EZR: variants seen among roughly 807,000 people sequenced by gnomAD.
The protein encoded by EZR is ezrin, also known as cytovillin 2.
In EZR, 40 loss-of-function variants were observed where a neutral mutation model predicts 74.8. That is an observed-to-expected ratio of 0.53 (90% confidence interval 0.42 to 0.70). EZR has a LOEUF of 0.70. Among genes scored for constraint, EZR ranks in the 30% least tolerant of loss-of-function variants. The pLI is 0.00. For missense variants in EZR, 678 were observed against 755.8 expected, an observed-to-expected ratio of 0.90 and a Z score of 1.21; for synonymous variants, 341 against 283.3, an observed-to-expected ratio of 1.20 and a Z score of -2.05.
chr6:158,770,559 A>G (rs1791070625), intron 10 of EZR, among the ~76,000 whole-genome samples: 1 of 152,012 alleles, frequency 6.6e-6, no homozygotes, highest in African/African-American at 2.4e-5. Flanking sequence ...TTAAAATACA[A>G]AGTCTTAGAA....
In EZR at chr6:158,767,499, T is replaced by C; in HGVS notation, c.1358A>G (p.Gln453Arg). The change falls in exon 13 of 14, where the codon CAG (glutamine) becomes CGG (arginine). Residue 453 changes from glutamine (Q) to arginine (R), a missense_variant. By Grantham distance (43) the Gln-to-Arg change is conservative. Coordinates refer to ENST00000367075, the MANE Select transcript of EZR (RefSeq NM_001111077.2). ...EEWQHRAKEA[Q>R]DDLVKTKEEL... ...CTCCTTGGTCTTCACCAGGTCATCC[T>C]GGGCTTCTTTGGCCTTTGGAAAGCA... 1.3e-6 allele frequency: 2 copies of C among 1,588,902 alleles called. No individual in the cohort carries two copies. Among genetic ancestry groups the C allele is most frequent in the Non-Finnish European group, 1.7e-6 (2 of 1,166,168 alleles).
intron 2 of EZR, among the ~76,000 whole-genome samples, chr6:158,797,075 A>G (rs1777089378): frequency 6.6e-6 from 1 of 152,120 alleles, no homozygotes; most frequent in South Asian, 2.1e-4. Flanking sequence ...TAGGTATGCA[A>G]TTTTTCCTTT....
rs1026295554 is a variant in EZR at position 158,785,585 on chromosome 6, T to A, written c.193-2A>T. 6.2e-7 allele frequency: 1 copy of A among 1,613,082 alleles called. No homozygotes were observed. Among genetic ancestry groups the A allele is most frequent in the Non-Finnish European group, 8.5e-7 (1 of 1,179,184 alleles). On this transcript the variant is annotated splice_acceptor_variant, in intron 4 of 13. Coordinates refer to ENST00000367075, the MANE Select transcript of EZR (RefSeq NM_001111077.2). LOFTEE classifies it high-confidence loss of function. ...CTTCCTGACCTCCTGGGCAGACACC[T>A]GCACGAAACAAGCCACACTCTCCAC...
chr6:158,818,676 C>T (rs1777621150), intron 1 of EZR, among the ~76,000 whole-genome samples: 1 of 148,514 alleles, frequency 6.7e-6, no homozygotes, highest in Non-Finnish European at 1.5e-5. Flanking sequence ...GAAGAGGGGG[C>T]GCGGGCCCAG....
At chr6:158,803,011 T>A (rs1777221451) in intron 2 of EZR, among the ~76,000 whole-genome samples, 1 of 151,328 alleles carries the variant, frequency 6.6e-6, no homozygotes, top group Non-Finnish European at 1.5e-5. Flanking sequence ...TTTGAGTAAT[T>A]TAAATGATGA....
intron 7 of EZR, among the ~76,000 whole-genome samples, chr6:158,780,323 A>ACATTT (rs1183066291): frequency 6.6e-6 from 1 of 152,228 alleles, no homozygotes; most frequent in Non-Finnish European, 1.5e-5. Context: ...ACTTAAGATT[A>ACATTT]CATTTCATTG....
chr6:158,770,645 T>C (rs2128565855), intron 10 of EZR, 119 bp downstream of exon 10: 5 of 1,146,998 alleles, frequency 4.4e-6, no homozygotes, highest in Non-Finnish European at 6.3e-6. Context: ...CGGCTGTGAG[T>C]CTGCGCTGTG....
chr6:158,782,689 G>A (rs1791464018), intron 7 of EZR, among the ~76,000 whole-genome samples: 1 of 152,256 alleles, frequency 6.6e-6, no homozygotes, highest in Non-Finnish European at 1.5e-5. Flanking sequence ...CAATCAGGCT[G>A]ACTGTGGACA....
chr6:158,766,772 G>A lies in EZR; in HGVS notation c.*142C>T. The stretch of plus-strand genomic sequence containing the variant: ...GGGCGCCTCCCTGGTTCCCAGCCCA[G>A]AATGTTTCTGTTGGGTAACTGCTTT... On this transcript the variant is annotated 3_prime_UTR_variant, in exon 14 of 14. Transcript: ENST00000367075. The A allele has an allele frequency of 1.2e-6, 1 of 868,440 alleles. No homozygotes were observed. Among genetic ancestry groups the A allele is most frequent in the Non-Finnish European group, 1.8e-6 (1 of 553,734 alleles). 53.8% of individuals were successfully genotyped at this position (868,440 alleles called of 1,614,324 possible).
intron 7 of EZR, among the ~76,000 whole-genome samples, chr6:158,782,887 T>C (rs1791470726): frequency 6.6e-6 from 1 of 152,200 alleles, no homozygotes; most frequent in Non-Finnish European, 1.5e-5. Flanking sequence ...TTTCCCTGTT[T>C]ATCCTCAGCA....
chr6:158,768,952 C>A (rs111266451), intron 12 of EZR, among the ~76,000 whole-genome samples: 4 of 152,154 alleles, frequency 2.6e-5, no homozygotes, highest in African/African-American at 7.2e-5. Flanking sequence ...TCAGGCACTG[C>A]GACCCCATTG....
At chr6:158,776,546 A>G (rs144504464) in intron 7 of EZR, 42 bp from the exon 8 acceptor site, 1 of 1,376,438 alleles carries the variant, frequency 7.3e-7, no homozygotes, top group African/African-American at 1.5e-5. Flanking sequence ...ATGTATACAT[A>G]TGTTCTTGGA....
intron 2 of EZR, among the ~76,000 whole-genome samples, chr6:158,790,054 A>G (rs1791694674): frequency 6.6e-6 from 1 of 152,194 alleles, no homozygotes; most frequent in East Asian, 1.9e-4. Context: ...AAGGGAAGAG[A>G]GAAAGAGCTT....
At chr6:158,795,229 G>A (rs1777042460) in intron 2 of EZR, among the ~76,000 whole-genome samples, 3 of 152,084 alleles carry the variant, frequency 2.0e-5, no homozygotes, top group African/African-American at 7.2e-5. Flanking sequence ...TCCAGCCTAG[G>A]TGACAGGGTG....
chr6:158,777,162 C>T (rs1262861395), intron 7 of EZR, among the ~76,000 whole-genome samples: 1 of 152,216 alleles, frequency 6.6e-6, no homozygotes, highest in East Asian at 1.9e-4. Context: ...ATGAAACCAA[C>T]AGGGAGGGCC....
chr6:158,795,266 T>C (rs1165165830), intron 2 of EZR, among the ~76,000 whole-genome samples: 1 of 151,278 alleles, frequency 6.6e-6, no homozygotes, highest in Non-Finnish European at 1.5e-5. Flanking sequence ...AATAAATAAA[T>C]AAATAAATAA....
At chr6:158,776,780 C>G (rs1340926297) in intron 7 of EZR, among the ~76,000 whole-genome samples, 1 of 152,110 alleles carries the variant, frequency 6.6e-6, no homozygotes, top group Non-Finnish European at 1.5e-5. Context: ...CTGGTGATCT[C>G]GAGGTCAACT....
At chr6:158,801,138 G>C (rs1469520734) in intron 2 of EZR, among the ~76,000 whole-genome samples, 1 of 152,092 alleles carries the variant, frequency 6.6e-6, no homozygotes, top group Admixed American at 6.5e-5. Flanking sequence ...TTTTTTTTGA[G>C]ACAGGGTCTC....
At chr6:158,767,735 T>TA (rs1790943548) in intron 12 of EZR, among the ~76,000 whole-genome samples, 1 of 152,036 alleles carries the variant, frequency 6.6e-6, no homozygotes. Flanking sequence ...TGGGCAGTTT[T>TA]AAAACTACCA....
Sources: allele counts gnomAD v4.1 joint callset (sites outside exome capture counted in the v4.1 genomes callset), GRCh38; gene constraint gnomAD v4.1.1; transcripts MANE v1.5; gene names NCBI Gene and HGNC (gene_info 2026-07-23, HGNC 2026-07-21).